The following ADGRL3 variants were observed in gnomAD, a reference collection of about 807,000 sequenced individuals.
ADGRL3 encodes adhesion G protein-coupled receptor L3, also known as calcium-independent alpha-latrotoxin receptor 3.
ADGRL3 carries 62 observed loss-of-function variants against 153.5 expected under a neutral mutation model. The observed-to-expected ratio is 0.40, with a 90% confidence interval of 0.33 to 0.50. The LOEUF is 0.50. Ranked by LOEUF, ADGRL3 falls within the 20% of genes least tolerant of loss-of-function variation. The pLI is 0.47. For missense variants in ADGRL3, 1,641 were observed against 1,859.4 expected (o/e 0.88, Z 2.16); for synonymous variants, 710 against 672.5 (o/e 1.06, Z -0.86).
At chr4:61,759,941 G>C (rs1162015902) in intron 8 of ADGRL3, among the ~76,000 whole-genome samples, 3 of 152,192 alleles carry the variant, frequency 2.0e-5, no homozygotes, top group Admixed American at 1.3e-4. Context: ...GTCTGCTCCA[G>C]ACCCTGTTTG....
chr4:62,062,078 C>T (rs1252896394), intron 25 of ADGRL3, among the ~76,000 whole-genome samples: 1 of 151,960 alleles, frequency 6.6e-6, no homozygotes, highest in Admixed American at 6.6e-5. Context: ...ACATTCCTAC[C>T]AATGATGTAT....
chr4:61,952,248 G>A (rs528357857), intron 17 of ADGRL3, among the ~76,000 whole-genome samples: 7 of 152,112 alleles, frequency 4.6e-5, no homozygotes, highest in African/African-American at 1.4e-4. Context: ...AGGCTGAGGC[G>A]GGCAGATCAC....
At chr4:61,704,158 A>G (rs1378995484) in intron 6 of ADGRL3, among the ~76,000 whole-genome samples, 2 of 152,182 alleles carry the variant, frequency 1.3e-5, no homozygotes, top group South Asian at 2.1e-4. Flanking sequence ...AGACTTTGTT[A>G]TTTGATATCA....
At chr4:61,747,385 C>T (rs1194683592) in intron 8 of ADGRL3, among the ~76,000 whole-genome samples, 2 of 152,006 alleles carry the variant, frequency 1.3e-5, no homozygotes, top group Non-Finnish European at 2.9e-5. Context: ...TGAACCAAAG[C>T]CTGGCAGAGA....
At chr4:61,738,288 A>G (rs1033558290) in intron 8 of ADGRL3, among the ~76,000 whole-genome samples, 1 of 152,082 alleles carries the variant, frequency 6.6e-6, no homozygotes, top group Non-Finnish European at 1.5e-5. Context: ...CATTCTATAT[A>G]TTTATATCAC....
chr4:61,899,940 A>G (rs1479180268), intron 11 of ADGRL3, among the ~76,000 whole-genome samples: 1 of 152,102 alleles, frequency 6.6e-6, no homozygotes, highest in South Asian at 2.1e-4. Context: ...TCTTAACACT[A>G]TCACATTGAG....
intron 4 of ADGRL3, among the ~76,000 whole-genome samples, chr4:61,535,738 A>T (rs1454324522): frequency 2.0e-5 from 3 of 151,936 alleles, no homozygotes; most frequent in Non-Finnish European, 4.4e-5. Flanking sequence ...AGAGATTTTC[A>T]TAATAGTCTT....
At chr4:61,625,754 A>C (rs1224229404) in intron 5 of ADGRL3, among the ~76,000 whole-genome samples, 3 of 152,072 alleles carry the variant, frequency 2.0e-5, no homozygotes, top group African/African-American at 4.8e-5. Context: ...ATAATATGGT[A>C]AGGAAGACTT....
rs1015278930 is a variant in ADGRL3, at chr4:61,936,148, T to A, written c.2419+103T>A. ...GTCCACTATTTAGGAGCTTTTCCCC[T>A]CTTCCTCTTCCTACACTATTCTCTT... On this transcript the variant is annotated intron_variant, in intron 15 of 26. Transcript: ENST00000683033. 2.4e-6 allele frequency: 3 copies of A among 1,230,682 alleles called. No homozygotes were observed. The Admixed American group carries it at 6.3e-5, about 26-fold the overall frequency. 76.2% of individuals were successfully genotyped at this position (1,230,682 alleles called of 1,614,324 possible).
chr4:61,522,519 T>G (rs770335066), intron 4 of ADGRL3, among the ~76,000 whole-genome samples: 2 of 152,162 alleles, frequency 1.3e-5, no homozygotes, highest in African/African-American at 4.8e-5. Context: ...CAAGCTTACA[T>G]AATTTTACGT....
At chr4:61,531,830 A>T (rs1380200467) in intron 4 of ADGRL3, among the ~76,000 whole-genome samples, 4 of 152,112 alleles carry the variant, frequency 2.6e-5, no homozygotes, top group Admixed American at 2.6e-4. Flanking sequence ...TATTGAGAAA[A>T]GCAGAAAGAT....
At chr4:61,829,790 T>C (rs753491119) in intron 9 of ADGRL3, among the ~76,000 whole-genome samples, 1 of 151,978 alleles carries the variant, frequency 6.6e-6, no homozygotes, top group Non-Finnish European at 1.5e-5. Flanking sequence ...AAAGACACAG[T>C]GAAAAGAGAA....
rs2096336781 is a variant in ADGRL3, at chr4:61,726,210, G to GTTTTATTTTTTTTTTTTTTTTTT, written c.584-4408_584-4407insATTTTTTTTTTTTTTTTTTTTTT. On this transcript the variant is annotated intron_variant, in intron 6 of 26. Coordinates refer to ENST00000683033, the MANE Select transcript of ADGRL3 (RefSeq NM_001387552.1). ...AATACTCACTGGAACTTTTTTTTTT[G>GTTTTATTTTTTTTTTTTTTTTTT]TTTTTTGAGAAGGAGTCTCACCCTG... Among the ~76,000 whole-genome samples, 2 of 118,480 alleles carry GTTTTATTTTTTTTTTTTTTTTTT rather than the reference G, an allele frequency of 1.7e-5. 1 individual carries two copies. Among genetic ancestry groups the GTTTTATTTTTTTTTTTTTTTTTT allele is most frequent in the Non-Finnish European group, 3.4e-5 (2 of 58,150 alleles). The allele number at this position is 118,480 out of a possible 152,430, so 77.7% of individuals were successfully genotyped here. A position where few individuals can be genotyped will look rare whatever the true frequency, so the allele number is the denominator to read the frequency against.
chr4:61,244,367 A>T (rs972301466), intron 1 of ADGRL3, among the ~76,000 whole-genome samples: 1 of 152,062 alleles, frequency 6.6e-6, no homozygotes, highest in African/African-American at 2.4e-5. Context: ...ATTATAGAAG[A>T]GTTGCAGAAC....
intron 8 of ADGRL3, among the ~76,000 whole-genome samples, chr4:61,754,881 A>G (rs1386547131): frequency 6.6e-6 from 1 of 150,488 alleles, no homozygotes; most frequent in African/African-American, 2.4e-5. Flanking sequence ...TTGTTTTTTT[A>G]TTCTTGCGAT....
At chr4:61,636,427 G>T (rs1433793258) in intron 5 of ADGRL3, among the ~76,000 whole-genome samples, 1 of 152,134 alleles carries the variant, frequency 6.6e-6, no homozygotes, top group Non-Finnish European at 1.5e-5. Context: ...ATCAGATGCA[G>T]TGGAAGCCAG....
chr4:61,605,089 C>CAA (rs71211396), intron 5 of ADGRL3, among the ~76,000 whole-genome samples: 1,095 of 60,546 alleles, frequency 0.018, 1 homozygote, highest in Non-Finnish European at 0.023. Context: ...GACTCTGTCT[C>CAA]AAAAAAAAAA....
At chr4:61,750,573 C>G (rs2096742165) in intron 8 of ADGRL3, among the ~76,000 whole-genome samples, 1 of 151,988 alleles carries the variant, frequency 6.6e-6, no homozygotes, top group Non-Finnish European at 1.5e-5. Context: ...GGGCGGATCA[C>G]GAGGTCAGGA....
At chr4:61,227,527 A>G (rs2149119995) in intron 1 of ADGRL3, among the ~76,000 whole-genome samples, 1 of 152,150 alleles carries the variant, frequency 6.6e-6, no homozygotes, top group Non-Finnish European at 1.5e-5. Flanking sequence ...CTCATTATGT[A>G]TTTCTTATCT....
Sources: gnomAD v4.1 joint callset for allele counts (sites outside exome capture counted in the v4.1 genomes callset) on GRCh38, gnomAD v4.1.1 for gene constraint, MANE v1.5 for transcripts, NCBI Gene and HGNC (gene_info 2026-07-23, HGNC 2026-07-21) for gene names.